The following CAV1 variants were observed in gnomAD, a reference collection of about 807,000 sequenced individuals.
The protein encoded by CAV1 is caveolin-1.
CAV1 carries 10 observed loss-of-function variants against 16.5 expected under a neutral mutation model. That is an observed-to-expected ratio of 0.61 (90% CI 0.37 to 1.03). The LOEUF (loss-of-function observed/expected upper bound fraction) is 1.03. CAV1 is among the 50% of genes least tolerant of loss of function. CAV1 has a pLI of 0.01. For synonymous variants in CAV1, 76 were observed against 85.1 expected (o/e 0.89, Z 0.59); for missense variants, 212 against 232.8 (o/e 0.91, Z 0.58).
At chr7:116,532,069 G>A (rs753112939) in intron 2 of CAV1, among the ~76,000 whole-genome samples, 7 of 152,050 alleles carry the variant, frequency 4.6e-5, no homozygotes, top group Admixed American at 3.3e-4. Flanking sequence ...AAAAAACTTC[G>A]GTTTTAACTG....
chr7:116,525,209 C>G (rs1173233094), intron 1 of CAV1, 117 bp downstream of exon 1: 1 of 1,613,316 alleles, frequency 6.2e-7, no homozygotes, highest in Admixed American at 1.7e-5. Context: ...CACTTCGGAG[C>G]ACTCCTCTGG....
At chr7:116,549,198 T>A (rs913710494) in intron 2 of CAV1, among the ~76,000 whole-genome samples, 3 of 152,146 alleles carry the variant, frequency 2.0e-5, no homozygotes, top group African/African-American at 7.2e-5. Flanking sequence ...GCCTGTCCCT[T>A]CCCCAGCAGG....
intron 2 of CAV1, among the ~76,000 whole-genome samples, chr7:116,553,799 T>G (rs1794210645): frequency 6.6e-6 from 1 of 152,186 alleles, no homozygotes; most frequent in South Asian, 2.1e-4. Context: ...TAAATCAAAC[T>G]GATGCTAAAC....
At position 116,561,024 on chromosome 7, in the gene CAV1, C is replaced by T. The variant is rs1477459931; in HGVS notation, c.*1737C>T. On this transcript the variant is annotated 3_prime_UTR_variant, in exon 3 of 3. Transcript: ENST00000341049. ...GTAAACTGTGTATTCCAAGACATGT[C>T]TGTTCTACATAGATGCTTAGTCCCT... The T allele has an allele frequency of 1.3e-5, 2 of 152,576 alleles. No individual in the cohort carries two copies. The highest frequency in any genetic ancestry group is 4.8e-5 in the African/African-American group (2 of 41,434). 9.5% of individuals were successfully genotyped at this position (152,576 alleles called of 1,614,324 possible).
chr7:116,541,459 G>A (rs1434996727), intron 2 of CAV1, among the ~76,000 whole-genome samples: 1 of 152,136 alleles, frequency 6.6e-6, no homozygotes, highest in African/African-American at 2.4e-5. Flanking sequence ...ATTTAAAAAA[G>A]TGTTAGGTAG....
chr7:116,526,189 T>C (rs1265244252), intron 1 of CAV1: 9 of 742,258 alleles, frequency 1.2e-5, no homozygotes, highest in Admixed American at 6.2e-5. Flanking sequence ...GTCCTGCGGG[T>C]CCTGCGTGCT....
chr7:116,543,447 G>T (rs1793978039), intron 2 of CAV1, among the ~76,000 whole-genome samples: 1 of 152,142 alleles, frequency 6.6e-6, no homozygotes, highest in Non-Finnish European at 1.5e-5. Flanking sequence ...ATAAATATTT[G>T]GTACTGAAGA....
chr7:116,555,518 A>AAGAAAGAAAGAGAGAG lies in CAV1; in HGVS notation c.196-3425_196-3424insAAGAAAGAGAGAGAGA, dbSNP rs1554357869. Among the ~76,000 whole-genome samples the AAGAAAGAAAGAGAGAG allele has an allele frequency of 1.6e-3, 22 of 14,052 alleles. 6 individuals carry two copies. Among genetic ancestry groups the AAGAAAGAAAGAGAGAG allele is most frequent in the African/African-American group, 5.3e-3 (22 of 4,176 alleles). The allele number at this position is 14,052 out of a possible 152,430, so 9.2% of individuals were successfully genotyped here. A position where few individuals can be genotyped will look rare whatever the true frequency, so the allele number is the denominator to read the frequency against. ...AAAGAAAGAAAGAAAGAAAGAAAGAAAGAGAGAGAGAGAGAGAGAGAGAGA... is the reference window on the plus strand; with the variant it reads ...AAAGAAAGAAAGAAAGAAAGAAAGAAAGAAAGAAAGAGAGAGAGAGAGAGAGAGAGAGAGAGAGAGA... On this transcript the variant is annotated intron_variant, in intron 2 of 2. Transcript: ENST00000341049.
chr7:116,555,576 GA>G (rs1167182318), intron 2 of CAV1, among the ~76,000 whole-genome samples: 2 of 63,996 alleles, frequency 3.1e-5, no homozygotes, highest in African/African-American at 1.3e-4. Context: ...AAGAAAGAAA[GA>G]AAGAAAGAAA....
chr7:116,531,514 T>C (rs10262090), intron 2 of CAV1, among the ~76,000 whole-genome samples: 5,164 of 152,322 alleles, frequency 0.034, 295 homozygotes, highest in African/African-American at 0.12. Context: ...CAATTGGTGA[T>C]TAATATCAGT....
chr7:116,527,380 C>T (rs1793586974), intron 2 of CAV1, among the ~76,000 whole-genome samples: 1 of 152,176 alleles, frequency 6.6e-6, no homozygotes, highest in South Asian at 2.1e-4. Context: ...ATGTGGAAAG[C>T]TGCTTCTTTA....
At chr7:116,549,818 G>A (rs1427104437) in intron 2 of CAV1, among the ~76,000 whole-genome samples, 2 of 152,094 alleles carry the variant, frequency 1.3e-5, no homozygotes, top group Non-Finnish European at 2.9e-5. Flanking sequence ...GTACCACTAG[G>A]TATTATAGAG....
At chr7:116,538,428 T>C (rs1275481259) in intron 2 of CAV1, among the ~76,000 whole-genome samples, 1 of 152,166 alleles carries the variant, frequency 6.6e-6, no homozygotes, top group East Asian at 1.9e-4. Context: ...AGAAGTAATA[T>C]ATGGCTGGAA....
At chr7:116,530,183 C>T (rs1341478241) in intron 2 of CAV1, among the ~76,000 whole-genome samples, 1 of 139,066 alleles carries the variant, frequency 7.2e-6, no homozygotes, top group Admixed American at 7.4e-5. Context: ...GTCACTGCTA[C>T]ATGGAAACTG....
intron 2 of CAV1, chr7:116,526,982 A>G (rs1033889500): frequency 2.3e-6 from 1 of 444,440 alleles, no homozygotes; most frequent in South Asian, 2.1e-5. Flanking sequence ...AAATGAGCCT[A>G]TTGACCTCAG....
At chr7:116,555,765 C>G (rs768905324) in intron 2 of CAV1, among the ~76,000 whole-genome samples, 8 of 151,802 alleles carry the variant, frequency 5.3e-5, no homozygotes, top group African/African-American at 1.9e-4. Flanking sequence ...TTGCTATGCT[C>G]TGCACCCAAG....
intron 2 of CAV1, among the ~76,000 whole-genome samples, chr7:116,544,025 T>A (rs958029669): frequency 6.6e-6 from 1 of 152,216 alleles, no homozygotes; most frequent in Admixed American, 6.5e-5. Context: ...CCCAGCCATA[T>A]GATTCTGAAG....
intron 2 of CAV1, among the ~76,000 whole-genome samples, chr7:116,544,916 C>T (rs1794010813): frequency 6.6e-6 from 1 of 152,172 alleles, no homozygotes; most frequent in Admixed American, 6.5e-5. Context: ...CCATGGCTAG[C>T]TCATTGACCT....
intron 2 of CAV1, among the ~76,000 whole-genome samples, chr7:116,549,567 T>C (rs1794117630): frequency 1.3e-5 from 2 of 152,206 alleles, no homozygotes; most frequent in South Asian, 4.2e-4. Context: ...TGTTTTTATT[T>C]ATTTTATCTT....
Sources: gnomAD v4.1 joint callset for allele counts (sites outside exome capture counted in the v4.1 genomes callset) on GRCh38, gnomAD v4.1.1 for gene constraint, MANE v1.5 for transcripts, NCBI Gene and HGNC (gene_info 2026-07-23, HGNC 2026-07-21) for gene names.